The following ZNF219 variants were observed in gnomAD, a reference collection of about 807,000 sequenced individuals.
ZNF219 encodes zinc finger protein 219.
ZNF219 carries 17 observed loss-of-function variants against 54.4 expected under a neutral mutation model. The observed-to-expected ratio is 0.31, with a 90% confidence interval of 0.21 to 0.47. The LOEUF (loss-of-function observed/expected upper bound fraction) is 0.47. Ranked by LOEUF, ZNF219 falls within the 20% of genes least tolerant of loss-of-function variation. ZNF219 has a pLI of 1.00. For missense variants in ZNF219, 1,014 were observed against 1,062.3 expected, an observed-to-expected ratio of 0.95 and a Z score of 0.63; for synonymous variants, 518 against 476.4, an observed-to-expected ratio of 1.09 and a Z score of -1.14.
At chr14:21,096,318 G>A (rs763202797) in intron 1 of ZNF219, among the ~76,000 whole-genome samples, 2 of 152,176 alleles carry the variant, frequency 1.3e-5, no homozygotes, top group Non-Finnish European at 2.9e-5. Context: ...TCCCCAGCAC[G>A]GAAAGTTTCC....
In ZNF219 at chr14:21,090,512, A is replaced by T; in HGVS notation, c.*24T>A. The T allele has an allele frequency of 6.4e-7, 1 of 1,567,010 alleles. No homozygotes were observed. Among genetic ancestry groups the T allele is most frequent in the South Asian group, 1.2e-5 (1 of 86,034 alleles). On this transcript the variant is annotated 3_prime_UTR_variant, in exon 5 of 5. Coordinates refer to ENST00000360947, the MANE Select transcript of ZNF219 (RefSeq NM_016423.3). The surrounding 1 kb of genome is among the most constrained non-coding windows in gnomAD (Gnocchi z 4.4). ...CCCGCTCCGGCGGGGTAAGCTCACT[A>T]AGCTAATCGCCCCTGAGGGCCCACT...
At chr14:21,096,138 G>A (rs1034545274) in intron 1 of ZNF219, among the ~76,000 whole-genome samples, 1 of 152,154 alleles carries the variant, frequency 6.6e-6, no homozygotes, top group Admixed American at 6.5e-5. Context: ...CTGTCTGTAG[G>A]ATAGCAAGCA....
Position 21,092,382 on chromosome 14 carries a change from C to T in ZNF219, c.915G>A (p.Pro305=), listed in dbSNP as rs777434690. Residue 305 remains proline (P), a synonymous_variant, in exon 3 of 5, where the codon CCG becomes CCA. Transcript: ENST00000360947. The part of the protein sequence containing the change: ...KHKASFDHAC[P]VCGRCFKEPW... The stretch of plus-strand genomic sequence containing the variant: ...GCTCCTTGAAGCAGCGGCCGCACAC[C>T]GGACACGCATGATCGAAGGAGGCCT... The T allele has an allele frequency of 2.5e-6, 4 of 1,575,454 alleles. No homozygotes were observed. The highest frequency in any genetic ancestry group is 4.7e-5 in the East Asian group (2 of 42,610).
At chr14:21,093,849 C>G (rs568885670) in intron 1 of ZNF219, 175 bp from the exon 2 acceptor site, 1 of 593,858 alleles carries the variant, frequency 1.7e-6, no homozygotes, top group Admixed American at 2.9e-5. Flanking sequence ...CTTGACTTGC[C>G]AAGCCTACAA....
At chr14:21,094,412 T>C (rs1454740762) in intron 1 of ZNF219, 1 of 455,816 alleles carries the variant, frequency 2.2e-6, no homozygotes, top group Middle Eastern at 3.3e-4. Flanking sequence ...CATCCCCTTG[T>C]TTCAAACCTT....
At chr14:21,093,736 C>T in intron 1 of ZNF219, 62 bp from the exon 2 acceptor site, 1 of 1,451,616 alleles carries the variant, frequency 6.9e-7, no homozygotes, top group Non-Finnish European at 9.6e-7. Flanking sequence ...TAAAGTCACT[C>T]CCTACCCCCA....
At position 21,091,970 on chromosome 14, in the gene ZNF219, C is replaced by G. The variant is rs373873657; in HGVS notation, c.1327G>C (p.Gly443Arg). Residue 443 changes from glycine to arginine, a missense_variant, in exon 3 of 5, where the codon GGC becomes CGC. By Grantham distance (125) the Gly-to-Arg change is moderately radical (BLOSUM62 -2). Coordinates refer to ENST00000360947, the MANE Select transcript of ZNF219 (RefSeq NM_016423.3). Reference sequence around the variant, plus strand: ...GAAGCCAGAGAGCCCAGCGACCTGCCCCGGGCCCAGGTTTCCTCCTCGGCC... The same window carrying G: ...GAAGCCAGAGAGCCCAGCGACCTGCGCCGGGCCCAGGTTTCCTCCTCGGCC... ...VEAEEETWARGRSLGSLASLH... is the reference protein window; with the variant it reads ...VEAEEETWARRRSLGSLASLH... 4.4e-6 allele frequency: 7 copies of G among 1,577,592 alleles called. No homozygotes were observed. The highest frequency in any genetic ancestry group is 5.2e-6 in the Non-Finnish European group (6 of 1,162,256).
upstream of ZNF219, chr14:21,101,989 C>T: frequency 6.4e-7 from 1 of 1,551,068 alleles, no homozygotes; most frequent in Non-Finnish European, 8.7e-7. Flanking sequence ...AGACCCACCA[C>T]AAGGGAGGGT....
At chr14:21,102,230 A>G, upstream of ZNF219, 7 of 1,425,650 alleles carry the variant, frequency 4.9e-6, no homozygotes, top group South Asian at 9.7e-5. Context: ...CTCAGCTGTC[A>G]CCACTGACTG....
At chr14:21,102,432 T>C (rs989073583), upstream of ZNF219, 50 of 1,551,498 alleles carry the variant, frequency 3.2e-5, no homozygotes, top group Non-Finnish European at 4.2e-5. Flanking sequence ...ATTCAACACC[T>C]TCAACTTGAT....
At chr14:21,091,233 C>T (rs1888844147) in intron 4 of ZNF219, 93 bp from the exon 5 acceptor site, 1 of 1,519,616 alleles carries the variant, frequency 6.6e-7, no homozygotes, top group Admixed American at 2.1e-5. Flanking sequence ...ATTCTCAGAA[C>T]CAAGAAAGGG....
At position 21,091,154 on chromosome 14, in the gene ZNF219, G is replaced by A. The variant is rs376604157; in HGVS notation, c.1565-14C>T. 8 of 1,593,570 alleles carry A rather than the reference G, an allele frequency of 5.0e-6. No individual in the cohort carries two copies. The highest frequency in any genetic ancestry group is 4.0e-5 in the African/African-American group (3 of 74,574). Reference sequence around the variant, plus strand: ...AGGGCCGCTCGCCTGGGGAGAGTGGGTGCGATAGGGTCACGGGGTCACGAT... The same window carrying A: ...AGGGCCGCTCGCCTGGGGAGAGTGGATGCGATAGGGTCACGGGGTCACGAT... On this transcript the variant is annotated splice_polypyrimidine_tract_variant and intron_variant, in intron 4 of 4. Coordinates refer to ENST00000360947, the MANE Select transcript of ZNF219 (RefSeq NM_016423.3).
chr14:21,104,076 C>T (rs2139360132), intron 1 of ZNF219: 1 of 152,506 alleles, frequency 6.6e-6, no homozygotes, highest in East Asian at 1.9e-4. Flanking sequence ...CGGGGCCTTT[C>T]TCGTCCCCTC....
chr14:21,094,606 A>T, intron 1 of ZNF219: 1 of 338,486 alleles, frequency 3.0e-6, no homozygotes, highest in Non-Finnish European at 5.8e-6. Context: ...ATAGGGACTC[A>T]GCACATGCTC....
rs752427410 is a variant in ZNF219, at chr14:21,093,155, A to G, written c.142T>C (p.Ser48Pro). 6.2e-7 allele frequency: 1 copy of G among 1,610,494 alleles called. No individual in the cohort carries two copies. Among genetic ancestry groups the G allele is most frequent in the Non-Finnish European group, 8.5e-7 (1 of 1,179,384 alleles). Residue 48 changes from serine to proline, a missense_variant, in exon 3 of 5, where the codon TCT (serine) becomes CCT (proline). Physicochemically the swap from Ser to Pro is moderately conservative, Grantham distance 74. This residue lies in a region of ZNF219 where 395 missense variants were observed against 415.1 expected (regional missense o/e 0.95). Coordinates refer to ENST00000360947, the MANE Select transcript of ZNF219 (RefSeq NM_016423.3). ...GSLGMGAVSW[S>P]ESRAGERRFP... ...CGCCGTTCGCCTGCACGACTCTCAG[A>G]CCAGCTCACCGCTCCCATCCCGAGC...
chr14:21,090,429 G>GA lies in ZNF219; in HGVS notation c.*106dup, dbSNP rs574302373. ...CCACCTCTGGTCCGCCTGGGGCTGG[G>GA]ATATGGGTCCCACGCTGCCCCCTGC... On this transcript the variant is annotated 3_prime_UTR_variant, in exon 5 of 5. Coordinates refer to ENST00000360947, the MANE Select transcript of ZNF219 (RefSeq NM_016423.3). This position sits in a 1 kb window ranked among gnomAD's most constrained non-coding sequence, Gnocchi z 4.4. 158 of 1,418,286 alleles carry GA rather than the reference G, an allele frequency of 1.1e-4. 1 individual carries two copies. The African/African-American group carries it at 1.9e-3, about 17-fold the overall frequency. 87.9% of individuals were successfully genotyped at this position (1,418,286 alleles called of 1,614,324 possible).
In ZNF219 at chr14:21,090,853, T is replaced by C; in HGVS notation, c.1852A>G (p.Asn618Asp). The change falls in exon 5 of 5, where the codon AAC becomes GAC. Residue 618 changes from asparagine to aspartate, a missense_variant. By Grantham distance (23) the Asn-to-Asp change is conservative (BLOSUM62 1). Coordinates refer to ENST00000360947, the MANE Select transcript of ZNF219 (RefSeq NM_016423.3). This position sits in a 1 kb window ranked among gnomAD's most constrained non-coding sequence, Gnocchi z 4.4. ...KPASPGRTLRNGRGGEAEPLD... is the reference protein window; with the variant it reads ...KPASPGRTLRDGRGGEAEPLD... ...GGTTCGGCCTCACCGCCTCGCCCGT[T>C]GCGCAGGGTCCTCCCAGGGCTGGCG... 1 of 1,555,064 alleles carries C rather than the reference T, an allele frequency of 6.4e-7. No individual in the cohort carries two copies.
At chr14:21,100,111 C>T (rs1889539478), upstream of ZNF219, among the ~76,000 whole-genome samples, 3 of 152,084 alleles carry the variant, frequency 2.0e-5, no homozygotes, top group Admixed American at 2.0e-4. Flanking sequence ...ACCTGTAATC[C>T]CAGCAGTTTG....
chr14:21,093,948 C>A (rs1247669352), intron 1 of ZNF219: 2 of 399,736 alleles, frequency 5.0e-6, no homozygotes, highest in African/African-American at 4.1e-5. Flanking sequence ...CACCCCCTGG[C>A]GGTGGGGAAG....
Sources: gnomAD v4.1 joint callset for allele counts (sites outside exome capture counted in the v4.1 genomes callset) on GRCh38, gnomAD v4.1.1 for gene constraint, gnomAD v4.1.1 regional missense constraint, Gnocchi (gnomAD v3.1) non-coding constraint, MANE v1.5 for transcripts, NCBI Gene and HGNC (gene_info 2026-07-23, HGNC 2026-07-21) for gene names.